The following CHSY1 variants were observed in gnomAD, a reference collection of about 807,000 sequenced individuals.
CHSY1 encodes N-acetylgalactosaminyl-proteoglycan 3-beta-glucuronosyltransferase 1.
Under a neutral mutation model 59.8 loss-of-function variants are expected in CHSY1, and 13 were observed. The observed-to-expected ratio is 0.22, with a 90% CI of 0.14 to 0.35. The LOEUF is 0.35. Ranked by LOEUF, CHSY1 falls within the 10% of genes least tolerant of loss-of-function variation. CHSY1 has a pLI of 1.00. For missense variants in CHSY1, 947 were observed against 1,030.6 expected (o/e 0.92, Z 1.11); for synonymous variants, 459 against 401.2 (o/e 1.14, Z -1.72).
At position 101,177,404 on chromosome 15, in the gene CHSY1, G is replaced by A; in HGVS notation, c.2393C>T (p.Ser798Leu). 1 of 1,612,658 alleles carries A rather than the reference G, an allele frequency of 6.2e-7. No homozygotes were observed. The highest frequency in any genetic ancestry group is 8.5e-7 in the Non-Finnish European group (1 of 1,179,638). Reference protein sequence around the residue: ...SYSKSSNNNGSVRTA With the variant: ...SYSKSSNNNGLVRTA ...AGCTGGACATTAGGCTGTCCTCACT[G>A]AGCCATTATTATTGCTGCTTTTACT... Residue 798 changes from serine (S) to leucine (L), a missense_variant, in exon 3 of 3, where the codon TCA becomes TTA. Ser to Leu is a moderately radical substitution (Grantham distance 145). Transcript: ENST00000254190.
rs1394610645 is a variant in CHSY1, at chr15:101,178,093, C to A, written c.1704G>T (p.Val568=). 6.2e-7 allele frequency: 1 copy of A among 1,614,060 alleles called. No homozygotes were observed. The highest frequency in any genetic ancestry group is 2.2e-5 in the East Asian group (1 of 44,902). Residue 568 remains valine, a synonymous_variant, in exon 3 of 3, where the codon GTG becomes GTT. Coordinates refer to ENST00000254190, the MANE Select transcript of CHSY1 (RefSeq NM_014918.5). The stretch of plus-strand genomic sequence containing the variant: ...TGGAGTCAGAATTGAAAAGCAGAAC[C>A]ACGAGCTTGACGTTCTGATTGGGGA... ...CLIPNQNVKL[V]VLLFNSDSNP...
chr15:101,204,751 A>G (rs775167874), intron 2 of CHSY1, among the ~76,000 whole-genome samples: 2 of 151,502 alleles, frequency 1.3e-5, no homozygotes, highest in African/African-American at 2.4e-5. Flanking sequence ...TAAAACTACA[A>G]AAAATTAGCT....
Position 101,177,165 on chromosome 15 carries a change from C to T in CHSY1, c.*223G>A. The stretch of plus-strand genomic sequence containing the variant: ...TTTGTTCATCAGGTACATTTCAAGT[C>T]AAAGTTAAGCAGGTCTGCTACATAA... On this transcript the variant is annotated 3_prime_UTR_variant, in exon 3 of 3. Transcript: ENST00000254190. 1 of 462,442 alleles carries T rather than the reference C, an allele frequency of 2.2e-6. No homozygotes were observed. Among genetic ancestry groups the T allele is most frequent in the South Asian group, 4.0e-5 (1 of 24,888 alleles). The allele number at this position is 462,442 out of a possible 1,614,324, so 28.6% of individuals were successfully genotyped here. A position where few individuals can be genotyped will look rare whatever the true frequency, so the allele number is the denominator to read the frequency against.
At chr15:101,197,112 T>G (rs2038516672) in intron 2 of CHSY1, among the ~76,000 whole-genome samples, 1 of 152,104 alleles carries the variant, frequency 6.6e-6, no homozygotes. Context: ...TCCGGCCAGG[T>G]GCGGTGGTAC....
intron 2 of CHSY1, among the ~76,000 whole-genome samples, chr15:101,222,200 T>C (rs2038796245): frequency 6.6e-6 from 1 of 152,174 alleles, no homozygotes; most frequent in South Asian, 2.1e-4. Flanking sequence ...TCCTGCACAA[T>C]ATCCACTTAG....
intron 2 of CHSY1, among the ~76,000 whole-genome samples, chr15:101,183,188 G>C (rs530472236): frequency 6.6e-6 from 1 of 152,066 alleles, no homozygotes; most frequent in East Asian, 1.9e-4. Context: ...ATTCATTCTA[G>C]GAACAAAAAG....
chr15:101,206,276 G>T (rs1043943524), intron 2 of CHSY1, among the ~76,000 whole-genome samples: 1 of 152,064 alleles, frequency 6.6e-6, no homozygotes, highest in African/African-American at 2.4e-5. Context: ...ACAGACAAGG[G>T]AAAACCCACC....
chr15:101,210,819 TA>T (rs1470322169), intron 2 of CHSY1, among the ~76,000 whole-genome samples: 1 of 152,156 alleles, frequency 6.6e-6, no homozygotes, highest in Admixed American at 6.5e-5. Flanking sequence ...CAAAAGCTAC[TA>T]AACATGCCAG....
chr15:101,188,872 C>G (rs2038406200), intron 2 of CHSY1, among the ~76,000 whole-genome samples: 1 of 152,186 alleles, frequency 6.6e-6, no homozygotes, highest in African/African-American at 2.4e-5. Flanking sequence ...CGAAAACTAT[C>G]TAAACTCCCA....
chr15:101,191,660 C>A (rs1039818046), intron 2 of CHSY1, among the ~76,000 whole-genome samples: 1 of 152,154 alleles, frequency 6.6e-6, no homozygotes, highest in Non-Finnish European at 1.5e-5. Flanking sequence ...GGAGACTGTG[C>A]ACGTGTAGGG....
chr15:101,185,817 C>G (rs1038549848), intron 2 of CHSY1, among the ~76,000 whole-genome samples: 1 of 148,634 alleles, frequency 6.7e-6, no homozygotes, highest in African/African-American at 2.5e-5. Context: ...AAGAGGCATG[C>G]TGTGGGTGAG....
At chr15:101,232,179 G>A (rs1344185215) in intron 2 of CHSY1, among the ~76,000 whole-genome samples, 2 of 152,060 alleles carry the variant, frequency 1.3e-5, no homozygotes, top group Non-Finnish European at 2.9e-5. Flanking sequence ...ATACCTTCTG[G>A]CTAGGCTTAT....
At position 101,251,369 on chromosome 15, in the gene CHSY1, G is replaced by A. The variant is rs1195469879; in HGVS notation, c.88C>T (p.Arg30Trp). ...FVLASRLVLP[R>W]ASELKRAGPR... The stretch of plus-strand genomic sequence containing the variant: ...CCCGCTCGCTTCAGCTCGGAAGCCC[G>A]GGGCAGGACGAGCCGCGAGGCCAGC... Residue 30 changes from arginine to tryptophan, a missense_variant, in exon 1 of 3, where the codon CGG becomes TGG. Coordinates refer to ENST00000254190, the MANE Select transcript of CHSY1 (RefSeq NM_014918.5). 6.9e-6 allele frequency: 8 copies of A among 1,159,744 alleles called. No individual in the cohort carries two copies. Among genetic ancestry groups the A allele is most frequent in the African/African-American group, 1.7e-5 (1 of 60,058 alleles). 71.8% of individuals were successfully genotyped at this position (1,159,744 alleles called of 1,614,324 possible). A position where few individuals can be genotyped will look rare whatever the true frequency, so the allele number is the denominator to read the frequency against.
intron 2 of CHSY1, among the ~76,000 whole-genome samples, chr15:101,205,827 C>T (rs577389274): frequency 2.8e-4 from 42 of 151,902 alleles, no homozygotes; most frequent in African/African-American, 5.8e-4. Flanking sequence ...GGTGGGCGCC[C>T]GTAGTCCCAG....
intron 2 of CHSY1, among the ~76,000 whole-genome samples, chr15:101,202,852 GA>G (rs904442436): frequency 2.0e-5 from 3 of 152,074 alleles, no homozygotes; most frequent in East Asian, 1.9e-4. Context: ...AATCAAACAA[GA>G]AAAAAAATAT....
At chr15:101,236,760 G>C (rs2141276455) in intron 1 of CHSY1, among the ~76,000 whole-genome samples, 1 of 152,296 alleles carries the variant, frequency 6.6e-6, no homozygotes, top group South Asian at 2.1e-4. Flanking sequence ...GGAAGGCGAA[G>C]CTTGCAGCGA....
chr15:101,246,740 C>T (rs2039056813), intron 1 of CHSY1, among the ~76,000 whole-genome samples: 1 of 152,136 alleles, frequency 6.6e-6, no homozygotes, highest in Admixed American at 6.5e-5. Context: ...AGGAAGGAAA[C>T]GTTACCTTTA....
At chr15:101,189,958 G>A (rs1184039385) in intron 2 of CHSY1, among the ~76,000 whole-genome samples, 1 of 152,212 alleles carries the variant, frequency 6.6e-6, no homozygotes, top group Non-Finnish European at 1.5e-5. Flanking sequence ...GAAGCCCTGG[G>A]GTCCCAACCC....
At chr15:101,179,045 A>C in intron 2 of CHSY1, 65 bp from the exon 3 acceptor site, 1 of 1,485,046 alleles carries the variant, frequency 6.7e-7, no homozygotes. Context: ...GCACATGCTA[A>C]AGAAAATGCA....
Sources: allele counts gnomAD v4.1 joint callset (sites outside exome capture counted in the v4.1 genomes callset), GRCh38; gene constraint gnomAD v4.1.1; transcripts MANE v1.5; gene names NCBI Gene and HGNC (gene_info 2026-07-23, HGNC 2026-07-21).